Variants in DNAH17 observed in about 807,000 individuals in gnomAD.
DNAH17 encodes the protein dynein axonemal heavy chain 17, also known as axonemal beta dynein heavy chain 17.
A neutral mutation model predicts 485.6 loss-of-function variants in DNAH17; 376 were observed. That is an observed-to-expected ratio of 0.77 (90% CI 0.71 to 0.84). The LOEUF is 0.84. Ranked by LOEUF, DNAH17 falls within the 40% of genes least tolerant of loss-of-function variation. The probability of loss-of-function intolerance (pLI) is 0.00; values close to 1 mark genes in which losing one functional copy is unlikely to be tolerated. For synonymous variants in DNAH17, 3,031 were observed against 2,405.9 expected (o/e 1.26, Z -7.60); for missense variants, 6,370 against 5,839.3 (o/e 1.09, Z -2.96).
intron 16 of DNAH17, among the ~76,000 whole-genome samples, chr17:78,550,489 C>A (rs976559118): frequency 6.6e-6 from 1 of 152,248 alleles, no homozygotes; most frequent in African/African-American, 2.4e-5. Flanking sequence ...AATATGAGGT[C>A]ATTAGTGTGG....
At chr17:78,537,864 C>G (rs576914073) in intron 18 of DNAH17, among the ~76,000 whole-genome samples, 1 of 152,286 alleles carries the variant, frequency 6.6e-6, no homozygotes, top group East Asian at 1.9e-4. Context: ...GTTGGCTAGG[C>G]GCAGTGGCTC....
At position 78,461,686 on chromosome 17, in the gene DNAH17, A is replaced by C; in HGVS notation, c.9197T>G (p.Leu3066Trp). 6.2e-7 allele frequency: 1 copy of C among 1,609,806 alleles called. No individual in the cohort carries two copies. The highest frequency in any genetic ancestry group is 8.5e-7 in the Non-Finnish European group (1 of 1,178,692). ...ASQVDDLKAK[L>W]AIQEAELKQK... ...CTTGAGCTCAGCCTCCTGAATCGCC[A>C]ACTTGGCTTTCAAATCATCCACCTG... The change falls in exon 58 of 81, where the codon TTG becomes TGG. Residue 3066 changes from leucine (L) to tryptophan (W), a missense_variant. Transcript: ENST00000389840.
Position 78,426,953 on chromosome 17 carries a change from C to A in DNAH17, c.12744G>T (p.Ser4248=). Residue 4248 remains serine (S), a synonymous_variant, in exon 78 of 81, where the codon TCG becomes TCT. Coordinates refer to ENST00000389840, the MANE Select transcript of DNAH17 (RefSeq NM_173628.4). ...MNILTNEMRR[S]LKELNLGLKG... ...TCAGCCCCAGGTTCAGCTCCTTGAG[C>A]GAACGGCGCATTTCGTTGGTCAGGA... 6.2e-7 allele frequency: 1 copy of A among 1,608,782 alleles called. No homozygotes were observed. Among genetic ancestry groups the A allele is most frequent in the East Asian group, 2.2e-5 (1 of 44,720 alleles).
intron 55 of DNAH17, 33 bp downstream of exon 55, chr17:78,468,584 C>T: frequency 6.3e-7 from 1 of 1,597,596 alleles, no homozygotes; most frequent in South Asian, 1.1e-5. Context: ...CCAAGCTGGG[C>T]TCTTGAGGCC....
At chr17:78,531,927 C>T (rs1004673908) in intron 20 of DNAH17, among the ~76,000 whole-genome samples, 5 of 152,216 alleles carry the variant, frequency 3.3e-5, no homozygotes, top group African/African-American at 1.2e-4. Context: ...ACGACCCCTC[C>T]CAGGCCTAGT....
chr17:78,440,956 T>C (rs1186033209), intron 72 of DNAH17, 95 bp downstream of exon 72: 1 of 1,436,460 alleles, frequency 7.0e-7, no homozygotes, highest in Non-Finnish European at 9.5e-7. Context: ...GGGTGTGAAG[T>C]GGTGTCTCAT....
At chr17:78,542,365 C>T (rs568337653) in intron 17 of DNAH17, among the ~76,000 whole-genome samples, 2 of 152,220 alleles carry the variant, frequency 1.3e-5, no homozygotes, top group East Asian at 3.9e-4. Context: ...CCAGGCTGGT[C>T]TCAAACTCCT....
chr17:78,446,173 C>CAAAAAA (rs1157464118), intron 69 of DNAH17, among the ~76,000 whole-genome samples: 2,816 of 56,664 alleles, frequency 0.05, 472 homozygotes, highest in East Asian at 0.11. Context: ...GACTCTGTCT[C>CAAAAAA]AAAAAAAAAA....
chr17:78,456,469 G>A (rs957612529), intron 62 of DNAH17, among the ~76,000 whole-genome samples: 6 of 152,172 alleles, frequency 3.9e-5, no homozygotes, highest in African/African-American at 1.4e-4. Context: ...TGAAGATGCT[G>A]CCAGATACCA....
rs2092311911 is a variant in DNAH17 at position 78,569,064 on chromosome 17, G to A, written c.1284+102C>T. The A allele has an allele frequency of 7.7e-6, 7 of 914,178 alleles. No individual in the cohort carries two copies. In the South Asian group the frequency reaches 9.6e-5, roughly 13 times the overall value. 56.6% of individuals were successfully genotyped at this position (914,178 alleles called of 1,614,324 possible). A position where few individuals can be genotyped will look rare whatever the true frequency, so the allele number is the denominator to read the frequency against. ...TTTGGGCCTCACTTATTTTCTGCCT[G>A]GGGGATTATTGGCAAGGGGGGTAGG... On this transcript the variant is annotated intron_variant, in intron 9 of 80. Coordinates refer to ENST00000389840, the MANE Select transcript of DNAH17 (RefSeq NM_173628.4).
At chr17:78,450,617 C>T (rs751955634) in intron 67 of DNAH17, 65 bp downstream of exon 67, 78 of 1,549,774 alleles carry the variant, frequency 5.0e-5, no homozygotes, top group South Asian at 9.4e-5. Flanking sequence ...AGGGAGGCGC[C>T]GATCGCCCGT....
rs1489049520 is a variant in DNAH17 at position 78,426,691 on chromosome 17, G to A, written c.12772-91C>T. ...GCGTGTCATGAGTTGTCAACACAGT[G>A]TGGCTTTGTGCTGCGCCTCTGGAGA... On this transcript the variant is annotated intron_variant, in intron 78 of 80. Transcript: ENST00000389840. 2.7e-6 allele frequency: 4 copies of A among 1,500,562 alleles called. No homozygotes were observed. The South Asian group carries it at 5.3e-5, about 20-fold the overall frequency. 93.0% of individuals were successfully genotyped at this position (1,500,562 alleles called of 1,614,324 possible).
chr17:78,484,741 C>CCCCCCGG, intron 48 of DNAH17, 127 bp downstream of exon 48: 4 of 370,144 alleles, frequency 1.1e-5, no homozygotes, highest in Non-Finnish European at 1.7e-5. Context: ...GTTGCAGCAC[C>CCCCCCGG]CCCCCCACCG....
At chr17:78,496,261 C>T (rs2090066435) in intron 37 of DNAH17, among the ~76,000 whole-genome samples, 1 of 152,064 alleles carries the variant, frequency 6.6e-6, no homozygotes, top group Non-Finnish European at 1.5e-5. Flanking sequence ...CCTGTAATCC[C>T]AGCACTTTGG....
At chr17:78,554,423 T>G in intron 14 of DNAH17, among the ~76,000 whole-genome samples, 1 of 78,344 alleles carries the variant, frequency 1.3e-5, no homozygotes, top group African/African-American at 4.9e-5. Context: ...GACAATAGAA[T>G]GAGACTCTGT....
intron 24 of DNAH17, among the ~76,000 whole-genome samples, chr17:78,525,390 G>A (rs1451326164): frequency 1.3e-5 from 2 of 152,220 alleles, no homozygotes; most frequent in African/African-American, 2.4e-5. Flanking sequence ...CCACACCAGC[G>A]TGGGGACTGA....
At chr17:78,425,684 C>A (rs145951741) in intron 79 of DNAH17, 113 bp from the exon 80 acceptor site, 121 of 956,752 alleles carry the variant, frequency 1.3e-4, no homozygotes, top group Admixed American at 3.0e-4. Flanking sequence ...GGCCACTCAG[C>A]GAGCTAGAAG....
intron 37 of DNAH17, among the ~76,000 whole-genome samples, chr17:78,497,865 G>A (rs909467487): frequency 1.3e-5 from 2 of 152,168 alleles, no homozygotes; most frequent in African/African-American, 2.4e-5. Context: ...GCTCTCAGCC[G>A]GGCACAACGG....
chr17:78,510,673 G>A, intron 26 of DNAH17, 167 bp from the exon 27 acceptor site: 1 of 844,362 alleles, frequency 1.2e-6, no homozygotes, highest in Non-Finnish European at 1.8e-6. Flanking sequence ...ACTTGAGGAA[G>A]TGACTTCTCC....
Sources: allele counts gnomAD v4.1 joint callset (sites outside exome capture counted in the v4.1 genomes callset), GRCh38; gene constraint gnomAD v4.1.1; transcripts MANE v1.5; gene names NCBI Gene and HGNC (gene_info 2026-07-23, HGNC 2026-07-21).